P3H2: variants seen among roughly 807,000 people sequenced by gnomAD.
The protein encoded by P3H2 is leprecan-like 1.
In P3H2, 80 loss-of-function variants were observed where a neutral mutation model predicts 87.0. That is an observed-to-expected ratio of 0.92 (90% CI 0.77 to 1.11). The LOEUF (loss-of-function observed/expected upper bound fraction) is 1.11. Among genes scored for constraint, P3H2 ranks in the 50% least tolerant of loss-of-function variants. The probability of loss-of-function intolerance (pLI) is 0.00; values close to 1 mark genes in which losing one functional copy is unlikely to be tolerated. For missense variants in P3H2, 1,001 were observed against 923.9 expected (o/e 1.08, Z -1.08); for synonymous variants, 367 against 359.3 (o/e 1.02, Z -0.24).
intron 1 of P3H2, among the ~76,000 whole-genome samples, chr3:189,999,668 C>T (rs1419633610): frequency 5.9e-5 from 9 of 152,112 alleles, no homozygotes; most frequent in African/African-American, 2.2e-4. Context: ...AAACAAACCA[C>T]AGGAGCGAGT....
At chr3:190,051,708 C>T (rs1413108135) in intron 1 of P3H2, among the ~76,000 whole-genome samples, 1 of 152,214 alleles carries the variant, frequency 6.6e-6, no homozygotes, top group East Asian at 1.9e-4. Context: ...ACTTTCAAAT[C>T]ACTTTCCCTC....
chr3:189,973,491 TTTTCTTTCTTTC>T (rs201158680), intron 10 of P3H2, among the ~76,000 whole-genome samples: 73 of 102,580 alleles, frequency 7.1e-4, no homozygotes, highest in African/African-American at 2.3e-3. Flanking sequence ...TTCAAAACTT[TTTTCTTTCTTTC>T]TTTCTTTCTT....
chr3:190,074,897 G>A lies in P3H2; in HGVS notation c.480+45355C>T, dbSNP rs9847543. Among the ~76,000 whole-genome samples the A allele has an allele frequency of 4.9e-3, 740 of 152,314 alleles. 6 individuals are homozygous for A. The highest frequency in any genetic ancestry group is 0.017 in the African/African-American group (720 of 41,556). On this transcript the variant is annotated intron_variant, in intron 1 of 14. Transcript: ENST00000319332. Reference sequence around the variant, plus strand: ...AATCAATCAAATACATGGTCAATGTGTACAGTTCAGTCTACGATCACTTCT... The same window carrying A: ...AATCAATCAAATACATGGTCAATGTATACAGTTCAGTCTACGATCACTTCT...
intron 11 of P3H2, 74 bp from the exon 12 acceptor site, chr3:189,972,081 CT>C: frequency 1.1e-6 from 1 of 890,260 alleles, no homozygotes; most frequent in Non-Finnish European, 1.9e-6. Flanking sequence ...GACAATCTCT[CT>C]TCTCCCAGTC....
intron 9 of P3H2, chr3:189,974,280 G>T (rs2108910005): frequency 1.7e-6 from 1 of 591,662 alleles, no homozygotes; most frequent in Middle Eastern, 4.5e-4. Flanking sequence ...TAAAATAAAA[G>T]GATTTCTCCA....
At chr3:189,992,210 T>C (rs1430310416) in intron 3 of P3H2, among the ~76,000 whole-genome samples, 1 of 152,182 alleles carries the variant, frequency 6.6e-6, no homozygotes, top group Non-Finnish European at 1.5e-5. Flanking sequence ...TTCTCTTGCC[T>C]CAGCCTCCTA....
Position 190,013,144 on chromosome 3 carries a change from C to T in P3H2, c.481-17702G>A, listed in dbSNP as rs766741309. ...GCACACAGGGCATGGATGTGCTCTT[C>T]GATATATATTGATATGAATATAATA... On this transcript the variant is annotated intron_variant, in intron 1 of 14. Coordinates refer to ENST00000319332, the MANE Select transcript of P3H2 (RefSeq NM_018192.4). 7.2e-5 allele frequency among the ~76,000 whole-genome samples: 11 copies of T among 152,016 alleles called. No homozygotes were observed. The East Asian group carries it at 1.4e-3, about 19-fold the overall frequency.
chr3:190,026,109 T>C (rs926377130), intron 1 of P3H2, among the ~76,000 whole-genome samples: 2 of 152,224 alleles, frequency 1.3e-5, no homozygotes, highest in Non-Finnish European at 2.9e-5. Flanking sequence ...CATTTCATTT[T>C]TTCAATGAAA....
chr3:189,969,762 C>A lies in P3H2; in HGVS notation c.1893+1054G>T. ...AATGGCTTGCCAAATGGAGTATCCA[C>A]ATATTTTTCAGTTCTTCCTTCTAAA... On this transcript the variant is annotated intron_variant, in intron 13 of 14. Coordinates refer to ENST00000319332, the MANE Select transcript of P3H2 (RefSeq NM_018192.4). The A allele has an allele frequency of 1.2e-6, 2 of 1,604,200 alleles. 1 individual carries two copies.
At chr3:190,107,149 T>C (rs921619633) in intron 1 of P3H2, among the ~76,000 whole-genome samples, 3 of 152,186 alleles carry the variant, frequency 2.0e-5, no homozygotes, top group Admixed American at 6.5e-5. Context: ...GACAATTTTT[T>C]CTATATGAGT....
At position 189,957,700 on chromosome 3, in the gene P3H2, AAG is replaced by A. The variant is rs3062112; in HGVS notation, c.*210_*211del. The stretch of plus-strand genomic sequence containing the variant: ...AACATGGTTAGACCATGTCTCTAAG[AAG>A]AGAGAGAGAGAGAGAGAGAGAGAAA... On this transcript the variant is annotated 3_prime_UTR_variant, in exon 15 of 15. Transcript: ENST00000319332. 33,223 of 495,264 alleles carry A rather than the reference AAG, an allele frequency of 0.067. No individual in the cohort carries two copies. The highest frequency in any genetic ancestry group is 0.094 in the Middle Eastern group (168 of 1,778). 30.7% of individuals were successfully genotyped at this position (495,264 alleles called of 1,614,324 possible). A position where few individuals can be genotyped will look rare whatever the true frequency, so the allele number is the denominator to read the frequency against.
At position 190,011,837 on chromosome 3, in the gene P3H2, A is replaced by G. The variant is rs182363542; in HGVS notation, c.481-16395T>C. 2.9e-3 allele frequency among the ~76,000 whole-genome samples: 445 copies of G among 152,350 alleles called. 2 individuals carry two copies. Among genetic ancestry groups the G allele is most frequent in the Admixed American group, 7.3e-3 (112 of 15,296 alleles). On this transcript the variant is annotated intron_variant, in intron 1 of 14. Coordinates refer to ENST00000319332, the MANE Select transcript of P3H2 (RefSeq NM_018192.4). ...CTCTCGAATGAAAAAAGCAGATTGT[A>G]TGACATTCTGGATAATATGATTCTA...
At chr3:190,121,253 A>T (rs1383640232), upstream of P3H2, among the ~76,000 whole-genome samples, 1 of 152,084 alleles carries the variant, frequency 6.6e-6, no homozygotes, top group Non-Finnish European at 1.5e-5. Context: ...CTGGAGCGCC[A>T]TTTCAGACTG....
At chr3:190,001,194 G>A (rs1291206233) in intron 1 of P3H2, among the ~76,000 whole-genome samples, 2 of 152,178 alleles carry the variant, frequency 1.3e-5, no homozygotes, top group African/African-American at 2.4e-5. Context: ...ATTAGGATAT[G>A]TAGCTCAAAT....
chr3:190,094,649 G>A (rs1173839632), intron 1 of P3H2, among the ~76,000 whole-genome samples: 1 of 152,106 alleles, frequency 6.6e-6, no homozygotes, highest in Non-Finnish European at 1.5e-5. Flanking sequence ...TGGGGTACTG[G>A]GTCTCTCTGA....
intron 1 of P3H2, among the ~76,000 whole-genome samples, chr3:190,012,822 G>A (rs560763865): frequency 1.7e-3 from 262 of 152,208 alleles, no homozygotes; most frequent in Middle Eastern, 6.8e-3. Flanking sequence ...TGAAGACACT[G>A]TTTACCAGTA....
In P3H2 at chr3:189,974,212, T is replaced by C. The variant is rs546224151; in HGVS notation, c.1453-208A>G. On this transcript the variant is annotated intron_variant, in intron 9 of 14. Coordinates refer to ENST00000319332, the MANE Select transcript of P3H2 (RefSeq NM_018192.4). ...TCTACATTTTTATTATCAAATACTGTCACTTTTTATGGAAATAAAAAGAAT... is the reference window on the plus strand; with the variant it reads ...TCTACATTTTTATTATCAAATACTGCCACTTTTTATGGAAATAAAAAGAAT... 29 of 601,416 alleles carry C rather than the reference T, an allele frequency of 4.8e-5. No homozygotes were observed. In the South Asian group the frequency reaches 5.9e-4, roughly 12 times the overall value. The allele number at this position is 601,416 out of a possible 1,614,324, so 37.3% of individuals were successfully genotyped here.
Position 189,956,859 on chromosome 3 carries a change from T to C in P3H2, c.*1053A>G, listed in dbSNP as rs1312860093. The C allele has an allele frequency of 2.8e-6, 1 of 363,418 alleles. No homozygotes were observed. Among genetic ancestry groups the C allele is most frequent in the Non-Finnish European group, 4.9e-6 (1 of 204,954 alleles). 22.5% of individuals were successfully genotyped at this position (363,418 alleles called of 1,614,324 possible). ...AAATCAATCAGAAATTTATTTTTCT[T>C]ATGTAAGTACAAAACACCTCTTTTC... On this transcript the variant is annotated 3_prime_UTR_variant, in exon 15 of 15. Transcript: ENST00000319332.
At chr3:190,116,074 A>G (rs1204640263) in intron 1 of P3H2, among the ~76,000 whole-genome samples, 4 of 152,232 alleles carry the variant, frequency 2.6e-5, no homozygotes, top group Admixed American at 2.0e-4. Flanking sequence ...TTTCCAAAAC[A>G]AGGTTAAAAA....
Sources: allele counts gnomAD v4.1 joint callset (sites outside exome capture counted in the v4.1 genomes callset), GRCh38; gene constraint gnomAD v4.1.1; transcripts MANE v1.5; gene names NCBI Gene and HGNC (gene_info 2026-07-23, HGNC 2026-07-21).